CCT6B: variants seen among roughly 807,000 people sequenced by gnomAD.
CCT6B encodes the protein chaperonin containing TCP1 subunit 6B, also known as probable T-complex protein 1 subunit zeta-2.
In CCT6B, 49 loss-of-function variants were observed where a neutral mutation model predicts 61.5. That is an observed-to-expected ratio of 0.80 (90% CI 0.63 to 1.01). The LOEUF is 1.01. Ranked by LOEUF, CCT6B falls within the 50% of genes least tolerant of loss-of-function variation. The pLI is 0.00. For synonymous variants in CCT6B, 228 were observed against 214.5 expected, an observed-to-expected ratio of 1.06 and a Z score of -0.55; for missense variants, 666 against 634.7, an observed-to-expected ratio of 1.05 and a Z score of -0.53.
intron 1 of CCT6B, among the ~76,000 whole-genome samples, chr17:34,961,048 G>C (rs963805184): frequency 6.6e-6 from 1 of 152,140 alleles, no homozygotes; most frequent in African/African-American, 2.4e-5. Context: ...TCGGGGAAGC[G>C]CCACAGCTTC....
At chr17:34,932,342 T>A (rs2090044370) in intron 11 of CCT6B, 25 bp downstream of exon 11, 14 of 1,586,104 alleles carry the variant, frequency 8.8e-6, no homozygotes, top group Non-Finnish European at 1.2e-5. Flanking sequence ...AAGCAGTTGT[T>A]ATTTGGCCGA....
At chr17:34,932,824 C>T (rs1217724636) in intron 10 of CCT6B, among the ~76,000 whole-genome samples, 1 of 152,080 alleles carries the variant, frequency 6.6e-6, no homozygotes, top group African/African-American at 2.4e-5. Context: ...CTCCATCACC[C>T]AGGCTGTACT....
At chr17:34,936,782 G>GTCTTCTTGAGTT (rs1276677647) in intron 10 of CCT6B, among the ~76,000 whole-genome samples, 3 of 152,042 alleles carry the variant, frequency 2.0e-5, no homozygotes. Flanking sequence ...GACTCAAATA[G>GTCTTCTTGAGTT]ATAAGATGAT....
intron 5 of CCT6B, among the ~76,000 whole-genome samples, chr17:34,946,843 A>G (rs565089768): frequency 1.3e-5 from 2 of 152,368 alleles, no homozygotes; most frequent in South Asian, 2.1e-4. Context: ...TACAAAACAT[A>G]TAACAATCTA....
At position 34,952,317 on chromosome 17, in the gene CCT6B, C is replaced by T. The variant is rs190079399; in HGVS notation, c.511-264G>A. On this transcript the variant is annotated intron_variant, in intron 4 of 13. Coordinates refer to ENST00000314144, the MANE Select transcript of CCT6B (RefSeq NM_006584.4). ...CAACTGAGATAAGACCTTAAGAAGTCACAGTTTTTAAATAAGATCTAACAG... is the reference window on the plus strand; with the variant it reads ...CAACTGAGATAAGACCTTAAGAAGTTACAGTTTTTAAATAAGATCTAACAG... Among the ~76,000 whole-genome samples, 62 of 152,256 alleles carry T rather than the reference C, an allele frequency of 4.1e-4. 1 individual carries two copies. Among genetic ancestry groups the T allele is most frequent in the Middle Eastern group, 3.4e-3 (1 of 294 alleles).
At position 34,942,756 on chromosome 17, in the gene CCT6B, A is replaced by C. The variant is rs770399557; in HGVS notation, c.725+40T>G. On this transcript the variant is annotated intron_variant, in intron 6 of 13. Transcript: ENST00000314144. ...AAAGAGATTTTAAAACACCTTTAGA[A>C]AAAAAAATTCAAAAGTTATAAAGAG... The C allele has an allele frequency of 5.2e-6, 8 of 1,525,454 alleles. No homozygotes were observed. In the Admixed American group the frequency reaches 1.2e-4, roughly 22 times the overall value. 94.5% of individuals were successfully genotyped at this position (1,525,454 alleles called of 1,614,324 possible). A position where few individuals can be genotyped will look rare whatever the true frequency, so the allele number is the denominator to read the frequency against.
At chr17:34,937,823 T>C (rs2090111175) in intron 10 of CCT6B, among the ~76,000 whole-genome samples, 1 of 151,890 alleles carries the variant, frequency 6.6e-6, no homozygotes. Flanking sequence ...GTACCCAAAT[T>C]ATATACAAAG....
chr17:34,930,889 A>G, intron 12 of CCT6B, 60 bp downstream of exon 12: 1 of 822,986 alleles, frequency 1.2e-6, no homozygotes, highest in Non-Finnish European at 2.0e-6. Context: ...TTACCATAAG[A>G]TCTGGGTAAC....
chr17:34,944,619 A>G (rs1475579037), intron 5 of CCT6B, among the ~76,000 whole-genome samples: 1 of 152,210 alleles, frequency 6.6e-6, no homozygotes, highest in Non-Finnish European at 1.5e-5. Context: ...CTCTCATTAA[A>G]GCCACTAAAA....
At chr17:34,956,746 C>T (rs1044176950) in intron 3 of CCT6B, among the ~76,000 whole-genome samples, 2 of 152,136 alleles carry the variant, frequency 1.3e-5, no homozygotes, top group Admixed American at 6.6e-5. Flanking sequence ...TGCCCTCTGC[C>T]TAATTTCCTC....
chr17:34,958,675 GC>G lies in CCT6B; in HGVS notation c.220del (p.Ala74LeufsTer3). ...LDEMQIQHPTASLIAKVATAQ... is the reference protein window; with the variant it reads ...LDEMQIQHPTXSLIAKVATAQ... Reference sequence around the variant, plus strand: ...TGTTGCTACTTTTGCTATCAAGGAAGCTGTTGGATGTTGAATTTGCTGGAAA... The same window carrying G: ...TGTTGCTACTTTTGCTATCAAGGAAGTGTTGGATGTTGAATTTGCTGGAAA... On this transcript the variant is annotated frameshift_variant, in exon 3 of 14. Transcript: ENST00000314144. LOFTEE classifies it high-confidence loss of function. The G allele has an allele frequency of 1.9e-6, 3 of 1,598,202 alleles. No individual in the cohort carries two copies. The highest frequency in any genetic ancestry group is 2.6e-6 in the Non-Finnish European group (3 of 1,172,932).
rs567439716 is a variant in CCT6B at position 34,944,657 on chromosome 17, C to T, written c.615-1751G>A. ...GTAAATGTTTTCCAGCCAGGCGCGG[C>T]GGCTCACGCCTGTAATCCCAGCACT... is the stretch of plus-strand genomic sequence containing the variant. On this transcript the variant is annotated intron_variant, in intron 5 of 13. Transcript: ENST00000314144. Among the ~76,000 whole-genome samples, 68 of 152,332 alleles carry T rather than the reference C, an allele frequency of 4.5e-4. No homozygotes were observed. In the South Asian group the frequency reaches 9.1e-3, roughly 20 times the overall value.
At chr17:34,942,675 G>T in intron 6 of CCT6B, 32 bp from the exon 7 acceptor site, 1 of 1,554,664 alleles carries the variant, frequency 6.4e-7, no homozygotes. Flanking sequence ...GCTAGTAAAG[G>T]CAGGAGGAAA....
intron 5 of CCT6B, among the ~76,000 whole-genome samples, chr17:34,948,801 A>C (rs2090255527): frequency 6.6e-6 from 1 of 151,894 alleles, no homozygotes; most frequent in African/African-American, 2.4e-5. Flanking sequence ...TGGGAGGCCA[A>C]GCAGGTGGAT....
chr17:34,945,854 G>C (rs1357881430), intron 5 of CCT6B, among the ~76,000 whole-genome samples: 1 of 152,172 alleles, frequency 6.6e-6, no homozygotes, highest in African/African-American at 2.4e-5. Context: ...GGCCAAAACT[G>C]AAATAAAACA....
chr17:34,960,888 T>C (rs942994763), intron 1 of CCT6B, among the ~76,000 whole-genome samples: 1 of 152,192 alleles, frequency 6.6e-6, no homozygotes, highest in African/African-American at 2.4e-5. Context: ...CTACAATACA[T>C]TGCCATACAA....
intron 13 of CCT6B, among the ~76,000 whole-genome samples, chr17:34,928,532 CAA>C (rs2089995511): frequency 6.6e-6 from 1 of 152,182 alleles, no homozygotes; most frequent in Non-Finnish European, 1.5e-5. Context: ...CTCGGCCTCC[CAA>C]AGTGCTGGGA....
At chr17:34,960,985 A>G (rs1207148141) in intron 1 of CCT6B, among the ~76,000 whole-genome samples, 1 of 152,232 alleles carries the variant, frequency 6.6e-6, no homozygotes, top group East Asian at 1.9e-4. Flanking sequence ...CCAATGAGAC[A>G]CTAAATTAAC....
intron 5 of CCT6B, among the ~76,000 whole-genome samples, chr17:34,947,670 G>A (rs928446701): frequency 2.0e-5 from 3 of 152,120 alleles, no homozygotes; most frequent in African/African-American, 7.2e-5. Flanking sequence ...ATCCCAAATG[G>A]AAGGCTGAGA....
Sources: allele counts gnomAD v4.1 joint callset (sites outside exome capture counted in the v4.1 genomes callset), GRCh38; gene constraint gnomAD v4.1.1; transcripts MANE v1.5; gene names NCBI Gene and HGNC (gene_info 2026-07-23, HGNC 2026-07-21).